PRMT8: variants seen among roughly 807,000 people sequenced by gnomAD.
PRMT8 encodes the protein protein arginine N-methyltransferase 8.
PRMT8 carries 7 observed loss-of-function variants against 47.1 expected under a neutral mutation model. That is an observed-to-expected ratio of 0.15 (90% CI 0.08 to 0.28). The LOEUF is 0.28. PRMT8 is among the 10% of genes least tolerant of loss of function. The pLI is 1.00. For missense variants in PRMT8, 237 were observed against 505.4 expected (o/e 0.47, Z 5.09); for synonymous variants, 188 against 186.5 (o/e 1.01, Z -0.07).
rs1865320214 is a variant in PRMT8 at position 3,486,056 on chromosome 12, G to A, written c.49-54550G>A. On this transcript the variant is annotated intron_variant, in intron 1 of 9. Transcript: ENST00000452611. ...GATGACAATGTGTTATGCCACAAGT[G>A]ACATTGGTAAATAGTGCATTTGGAG... 2.6e-5 allele frequency among the ~76,000 whole-genome samples: 4 copies of A among 152,272 alleles called. 1 individual carries two copies. Among genetic ancestry groups the A allele is most frequent in the Admixed American group, 2.6e-4 (4 of 15,288 alleles).
At chr12:3,442,588 GGAA>G (rs1319494025) in intron 1 of PRMT8, among the ~76,000 whole-genome samples, 1 of 152,176 alleles carries the variant, frequency 6.6e-6, no homozygotes, top group Non-Finnish European at 1.5e-5. Context: ...GGCTTGGCCT[GGAA>G]CGGGTATGAG....
chr12:3,469,045 CAACA>C (rs1865134284), intron 1 of PRMT8: 1 of 437,298 alleles, frequency 2.3e-6, no homozygotes, highest in Non-Finnish European at 4.4e-6. Flanking sequence ...GCGTGCCTGA[CAACA>C]AGGCCATTAA....
chr12:3,432,114 C>G (rs537395772), intron 1 of PRMT8, among the ~76,000 whole-genome samples: 1 of 152,098 alleles, frequency 6.6e-6, no homozygotes, highest in Non-Finnish European at 1.5e-5. Context: ...AGAGAAGGCC[C>G]GAGTTGAAGT....
chr12:3,593,095 G>A lies in PRMT8; in HGVS notation c.1102-4G>A, dbSNP rs775859313. On this transcript the variant is annotated splice_region_variant and splice_polypyrimidine_tract_variant and intron_variant, in intron 9 of 9. Transcript: ENST00000382622. The surrounding 1 kb of genome is among the most constrained non-coding windows in gnomAD (Gnocchi z 4.8). ...TGACCCTTCGCTCTCTCTCTGCCTT[G>A]CAGCGAGACCTCGATTTCACAGTAG... 2.5e-6 allele frequency: 4 copies of A among 1,613,844 alleles called. No individual in the cohort carries two copies. The highest frequency in any genetic ancestry group is 3.4e-6 in the Non-Finnish European group (4 of 1,179,778).
intron 4 of PRMT8, among the ~76,000 whole-genome samples, chr12:3,555,967 T>C (rs12231134): frequency 0.21 from 23,737 of 112,770 alleles, 6,060 homozygotes; most frequent in East Asian, 0.5. Context: ...GCATTGAGTG[T>C]GGGGATGAGA....
At chr12:3,563,936 C>CG (rs1243654119) in intron 4 of PRMT8, among the ~76,000 whole-genome samples, 2 of 151,982 alleles carry the variant, frequency 1.3e-5, no homozygotes, top group Non-Finnish European at 1.5e-5. Flanking sequence ...ATGCCCCCCA[C>CG]CTTTTTTCCT....
intron 1 of PRMT8, among the ~76,000 whole-genome samples, chr12:3,403,821 G>A (rs1243856133): frequency 1.5e-5 from 2 of 136,102 alleles, no homozygotes; most frequent in African/African-American, 2.8e-5. Context: ...AGGTTGCAGT[G>A]AGCCAAGATC....
At chr12:3,507,099 A>AAGTAAAGC (rs954660610) in intron 1 of PRMT8, among the ~76,000 whole-genome samples, 1 of 151,946 alleles carries the variant, frequency 6.6e-6, no homozygotes, top group African/African-American at 2.4e-5. Flanking sequence ...TTGTTAGCTA[A>AAGTAAAGC]AGTAAAGCGG....
chr12:3,529,642 A>G (rs1462088862), intron 1 of PRMT8, among the ~76,000 whole-genome samples: 1 of 152,244 alleles, frequency 6.6e-6, no homozygotes, highest in African/African-American at 2.4e-5. Flanking sequence ...ATTAGGTGGA[A>G]GATGTCTAGA....
rs1005327878 is a variant in PRMT8 at position 3,553,530 on chromosome 12, A to C, written c.418-121A>C. Reference sequence around the variant, plus strand: ...GTTTTCAGTCTGCCACAAAGTTGTGATGCAGCCGTGGGCAAGTCACCACCC... The same window carrying C: ...GTTTTCAGTCTGCCACAAAGTTGTGCTGCAGCCGTGGGCAAGTCACCACCC... On this transcript the variant is annotated intron_variant, in intron 3 of 9. Coordinates refer to ENST00000382622, the MANE Select transcript of PRMT8 (RefSeq NM_019854.5). 10 of 833,280 alleles carry C rather than the reference A, an allele frequency of 1.2e-5. No homozygotes were observed. In the Admixed American group the frequency reaches 1.5e-4, roughly 13 times the overall value. 51.6% of individuals were successfully genotyped at this position (833,280 alleles called of 1,614,324 possible). A position where few individuals can be genotyped will look rare whatever the true frequency, so the allele number is the denominator to read the frequency against.
chr12:3,452,987 A>G (rs1380519244), intron 1 of PRMT8, among the ~76,000 whole-genome samples: 1 of 152,192 alleles, frequency 6.6e-6, no homozygotes, highest in Non-Finnish European at 1.5e-5. Context: ...AAATCCACAC[A>G]AAGAAAACAT....
chr12:3,541,609 AG>A (rs1403878055), intron 2 of PRMT8, among the ~76,000 whole-genome samples: 3 of 152,202 alleles, frequency 2.0e-5, no homozygotes, highest in African/African-American at 7.2e-5. Context: ...AAGGAACAAA[AG>A]TTTGCTTGCT....
intron 1 of PRMT8, among the ~76,000 whole-genome samples, chr12:3,434,776 C>G (rs1864719080): frequency 6.7e-6 from 1 of 149,770 alleles, no homozygotes; most frequent in South Asian, 2.1e-4. Context: ...CAGATTCCAG[C>G]TGGGACTCTC....
intron 7 of PRMT8, 93 bp downstream of exon 7, chr12:3,577,079 C>G (rs890299725): frequency 1.8e-6 from 2 of 1,084,914 alleles, no homozygotes; most frequent in Non-Finnish European, 2.8e-6. Flanking sequence ...GCACAGCCCC[C>G]ACCTGGTGAG....
At chr12:3,406,704 A>G (rs910166878) in intron 1 of PRMT8, among the ~76,000 whole-genome samples, 2 of 152,212 alleles carry the variant, frequency 1.3e-5, no homozygotes, top group African/African-American at 2.4e-5. Flanking sequence ...TTCATTGTCT[A>G]TATCACTATC....
chr12:3,474,784 C>T (rs1865194170), intron 1 of PRMT8, among the ~76,000 whole-genome samples: 1 of 152,102 alleles, frequency 6.6e-6, no homozygotes, highest in South Asian at 2.1e-4. Flanking sequence ...TGTGCTCTTC[C>T]CCTTGCACGG....
intron 1 of PRMT8, among the ~76,000 whole-genome samples, chr12:3,484,454 CCTT>C (rs1338156525): frequency 6.6e-6 from 1 of 152,232 alleles, no homozygotes; most frequent in Non-Finnish European, 1.5e-5. Context: ...TGCTCTTTCT[CCTT>C]CTTACTCTGT....
rs570235885 is a variant in PRMT8 at position 3,520,641 on chromosome 12, T to TA, written c.76-19958dup. ...GTGGGTCATCCCAAGTAATAGATGGTAAAAAAACACAATAACTATGCTGTC... is the reference window on the plus strand; with the variant it reads ...GTGGGTCATCCCAAGTAATAGATGGTAAAAAAAACACAATAACTATGCTGTC... On this transcript the variant is annotated intron_variant, in intron 1 of 9. Coordinates refer to ENST00000382622, the MANE Select transcript of PRMT8 (RefSeq NM_019854.5). 1.1e-3 allele frequency among the ~76,000 whole-genome samples: 170 copies of TA among 152,154 alleles called. 1 individual carries two copies. The highest frequency in any genetic ancestry group is 3.5e-3 in the African/African-American group (147 of 41,504).
intron 1 of PRMT8, among the ~76,000 whole-genome samples, chr12:3,471,220 G>A (rs933672562): frequency 1.3e-5 from 2 of 152,040 alleles, no homozygotes; most frequent in Non-Finnish European, 2.9e-5. Context: ...TCACTGTGGC[G>A]GGAAGGAGAG....
Sources: allele counts gnomAD v4.1 joint callset (sites outside exome capture counted in the v4.1 genomes callset), GRCh38; gene constraint gnomAD v4.1.1; non-coding constraint Gnocchi (gnomAD v3.1); transcripts MANE v1.5; gene names NCBI Gene and HGNC (gene_info 2026-07-23, HGNC 2026-07-21).